KLHDC1: variants seen among roughly 807,000 people sequenced by gnomAD.
KLHDC1 encodes the protein kelch domain-containing protein 1.
In KLHDC1, 53 loss-of-function variants were observed where a neutral mutation model predicts 68.3. The ratio of observed to expected loss-of-function variants is 0.78; its 90% confidence interval spans 0.62 to 0.98. The LOEUF (loss-of-function observed/expected upper bound fraction) is 0.98, where lower values mean the gene tolerates loss of function less well. Ranked by LOEUF, KLHDC1 falls within the 50% of genes least tolerant of loss-of-function variation. KLHDC1 has a pLI of 0.00. For missense variants in KLHDC1, 470 were observed against 492.3 expected, an observed-to-expected ratio of 0.95 and a Z score of 0.43; for synonymous variants, 148 against 159.0, an observed-to-expected ratio of 0.93 and a Z score of 0.52.
intron 4 of KLHDC1, among the ~76,000 whole-genome samples, chr14:49,719,084 G>A (rs1185942464): frequency 1.3e-5 from 2 of 151,708 alleles, no homozygotes; most frequent in Non-Finnish European, 2.9e-5. Context: ...CCAGCCTGTT[G>A]TTTTTCTTGA....
chr14:49,748,592 A>G (rs1889251653), intron 12 of KLHDC1, among the ~76,000 whole-genome samples: 1 of 152,062 alleles, frequency 6.6e-6, no homozygotes, highest in South Asian at 2.1e-4. Context: ...TTTGGATATA[A>G]AAGAATATTA....
chr14:49,716,790 G>A (rs1043829361), intron 4 of KLHDC1, among the ~76,000 whole-genome samples: 3 of 151,948 alleles, frequency 2.0e-5, no homozygotes, highest in African/African-American at 7.3e-5. Flanking sequence ...TCATAATGTT[G>A]TGCAACCATC....
intron 11 of KLHDC1, among the ~76,000 whole-genome samples, chr14:49,741,066 T>A (rs1753513940): frequency 6.6e-6 from 1 of 152,062 alleles, no homozygotes; most frequent in Admixed American, 6.6e-5. Context: ...TGTACTCCAG[T>A]CTGGGTGACA....
At chr14:49,696,041 G>A (rs956308842) in intron 1 of KLHDC1, among the ~76,000 whole-genome samples, 6 of 150,932 alleles carry the variant, frequency 4.0e-5, no homozygotes, top group Middle Eastern at 3.4e-3. Context: ...CCTCCAGCCT[G>A]GGCGACAGAG....
At chr14:49,698,361 G>C (rs1887801842) in intron 1 of KLHDC1, among the ~76,000 whole-genome samples, 1 of 151,818 alleles carries the variant, frequency 6.6e-6, no homozygotes, top group African/African-American at 2.4e-5. Context: ...ACACCACCAC[G>C]CCCAACTACT....
chr14:49,723,832 A>G (rs757207061), intron 4 of KLHDC1, 42 bp from the exon 5 acceptor site: 15 of 1,179,224 alleles, frequency 1.3e-5, no homozygotes, highest in Non-Finnish European at 1.8e-5. Flanking sequence ...ACAAACTGGA[A>G]ACAGAATTCC....
chr14:49,740,709 G>A (rs1889045457), intron 11 of KLHDC1, among the ~76,000 whole-genome samples: 1 of 152,108 alleles, frequency 6.6e-6, no homozygotes, highest in Admixed American at 6.5e-5. Flanking sequence ...CTATTAGTTT[G>A]ATTAGCAAAA....
At chr14:49,698,259 A>G (rs1594644975) in intron 1 of KLHDC1, among the ~76,000 whole-genome samples, 1 of 152,328 alleles carries the variant, frequency 6.6e-6, no homozygotes, top group African/African-American at 2.4e-5. Context: ...GCTGGAGTGC[A>G]GTGGCACGAT....
intron 1 of KLHDC1, among the ~76,000 whole-genome samples, chr14:49,702,039 A>C (rs1887921689): frequency 6.6e-6 from 1 of 151,976 alleles, no homozygotes. Flanking sequence ...ATGGTGGCAC[A>C]TGCCTGTAAT....
intron 4 of KLHDC1, among the ~76,000 whole-genome samples, chr14:49,717,946 C>T (rs1249054276): frequency 1.3e-5 from 2 of 152,048 alleles, no homozygotes; most frequent in African/African-American, 4.8e-5. Context: ...TGCAGTGGTG[C>T]TTTCATGGCT....
At chr14:49,705,438 A>G (rs1195183473) in intron 1 of KLHDC1, among the ~76,000 whole-genome samples, 6 of 130,300 alleles carry the variant, frequency 4.6e-5, no homozygotes, top group Non-Finnish European at 9.3e-5. Context: ...GCATGATCTC[A>G]GGTTACTGCA....
At chr14:49,717,495 G>A (rs1445256062) in intron 4 of KLHDC1, among the ~76,000 whole-genome samples, 1 of 151,956 alleles carries the variant, frequency 6.6e-6, no homozygotes, top group Non-Finnish European at 1.5e-5. Context: ...TTGGACATTT[G>A]TACATCTTCT....
At chr14:49,704,550 T>C (rs1423609739) in intron 1 of KLHDC1, among the ~76,000 whole-genome samples, 2 of 151,772 alleles carry the variant, frequency 1.3e-5, no homozygotes, top group Non-Finnish European at 2.9e-5. Flanking sequence ...CCCGCCACCA[T>C]GCCCAGCTAA....
intron 10 of KLHDC1, among the ~76,000 whole-genome samples, chr14:49,736,040 A>T (rs1398933979): frequency 6.6e-6 from 1 of 152,180 alleles, no homozygotes; most frequent in Non-Finnish European, 1.5e-5. Flanking sequence ...GAAACTGAGC[A>T]TCGATTTTTT....
intron 1 of KLHDC1, 100 bp downstream of exon 1, chr14:49,693,390 G>T: frequency 1.2e-6 from 1 of 829,466 alleles, no homozygotes. Context: ...TGCGGCCCAG[G>T]CCTGGCGCGC....
rs191404906 is a variant in KLHDC1, at chr14:49,694,595, C to T, written c.96+1305C>T. On this transcript the variant is annotated intron_variant, in intron 1 of 12. Transcript: ENST00000359332. ...CTGGCTGGGCGCGGTGGCTCACACCCGTAATCCCAGCACTTTGGGAGGCTG... is the reference window on the plus strand; with the variant it reads ...CTGGCTGGGCGCGGTGGCTCACACCTGTAATCCCAGCACTTTGGGAGGCTG... Among the ~76,000 whole-genome samples the T allele has an allele frequency of 4.7e-3, 717 of 152,094 alleles. 4 individuals carry two copies. Among genetic ancestry groups the T allele is most frequent in the African/African-American group, 0.017 (686 of 41,508 alleles).
At chr14:49,738,961 T>G (rs1888997305) in intron 10 of KLHDC1, among the ~76,000 whole-genome samples, 1 of 152,218 alleles carries the variant, frequency 6.6e-6, no homozygotes, top group African/African-American at 2.4e-5. Context: ...CTGTGACAAT[T>G]TCTTAACTTA....
In KLHDC1 at chr14:49,723,068, C is replaced by T. The variant is rs1169502337; in HGVS notation, c.405-806C>T. The stretch of plus-strand genomic sequence containing the variant: ...CGCCACTGCACTCCAGCCTGGGCAA[C>T]AAGAGTGAGACTCTGTCTCAAAAAA... On this transcript the variant is annotated intron_variant, in intron 4 of 12. Transcript: ENST00000359332. Among the ~76,000 whole-genome samples, 3 of 98,228 alleles carry T rather than the reference C, an allele frequency of 3.1e-5. No individual in the cohort carries two copies. In the Admixed American group the frequency reaches 4.8e-4, roughly 16 times the overall value. The allele number at this position is 98,228 out of a possible 152,430, so 64.4% of individuals were successfully genotyped here.
intron 12 of KLHDC1, among the ~76,000 whole-genome samples, chr14:49,748,025 G>A (rs1359104363): frequency 1.3e-5 from 2 of 152,188 alleles, no homozygotes; most frequent in Admixed American, 6.5e-5. Context: ...TTGGAGAACC[G>A]AGAAGAGTCC....
Sources: allele counts gnomAD v4.1 joint callset (sites outside exome capture counted in the v4.1 genomes callset), GRCh38; gene constraint gnomAD v4.1.1; transcripts MANE v1.5; gene names NCBI Gene and HGNC (gene_info 2026-07-23, HGNC 2026-07-21).